DPP6: variants seen among roughly 807,000 people sequenced by gnomAD.
DPP6 encodes A-type potassium channel modulatory protein DPP6.
A neutral mutation model predicts 122.6 loss-of-function variants in DPP6; 69 were observed. The observed-to-expected ratio is 0.56, with a 90% CI of 0.46 to 0.69. DPP6 has a LOEUF of 0.69. Among genes scored for constraint, DPP6 ranks in the 30% least tolerant of loss-of-function variants. The pLI is 0.00. For synonymous variants in DPP6, 418 were observed against 433.1 expected (o/e 0.97, Z 0.43); for missense variants, 928 against 1,116.9 (o/e 0.83, Z 2.41).
chr7:154,802,860 A>G (rs890149147), intron 13 of DPP6, among the ~76,000 whole-genome samples: 1 of 150,610 alleles, frequency 6.6e-6, no homozygotes, highest in East Asian at 1.9e-4. Flanking sequence ...AAAAAGATTT[A>G]TAAATGCTTC....
intron 5 of DPP6, among the ~76,000 whole-genome samples, chr7:154,567,471 G>C (rs1272129375): frequency 1.3e-5 from 2 of 152,050 alleles, no homozygotes; most frequent in East Asian, 3.9e-4. Context: ...AACTTCCTAG[G>C]CCAGGATCTT....
chr7:153,861,913 G>A, the DPP6 span, among the ~76,000 whole-genome samples: 2 of 152,318 alleles, frequency 1.3e-5, no homozygotes, highest in East Asian at 1.9e-4. Context: ...TGAGAATGTT[G>A]CAATCCAGGT....
chr7:154,344,850 T>C (rs1324401660), intron 1 of DPP6, among the ~76,000 whole-genome samples: 3 of 152,156 alleles, frequency 2.0e-5, no homozygotes, highest in Non-Finnish European at 4.4e-5. Flanking sequence ...ATCATGTCAC[T>C]GCACTCCAGC....
chr7:154,762,894 G>A (rs370692268), intron 8 of DPP6, among the ~76,000 whole-genome samples: 9 of 152,218 alleles, frequency 5.9e-5, no homozygotes, highest in East Asian at 5.8e-4. Context: ...ACCTGCCTCC[G>A]ATGGTGCAAT....
At chr7:154,865,837 CAGACTCGTTACCATCTAA>C (rs1383223447) in intron 17 of DPP6, among the ~76,000 whole-genome samples, 2 of 152,160 alleles carry the variant, frequency 1.3e-5, no homozygotes, top group Non-Finnish European at 2.9e-5. Flanking sequence ...GGTAGAAACC[CAGACTCGTTACCATCTAA>C]AGATGCTTAA....
chr7:153,949,851 C>T (rs575818275), intron 1 of DPP6, among the ~76,000 whole-genome samples: 5 of 152,274 alleles, frequency 3.3e-5, no homozygotes, highest in African/African-American at 1.2e-4. Flanking sequence ...CTAGTGGGAA[C>T]CAGCTGGTGG....
At chr7:154,173,374 T>G (rs532749154) in intron 1 of DPP6, among the ~76,000 whole-genome samples, 1 of 152,302 alleles carries the variant, frequency 6.6e-6, no homozygotes, top group Admixed American at 6.5e-5. Context: ...GGAAACAGTT[T>G]CGTGTAAGCC....
intron 1 of DPP6, among the ~76,000 whole-genome samples, chr7:153,902,316 G>T (rs1459986654): frequency 6.6e-6 from 1 of 152,144 alleles, no homozygotes; most frequent in African/African-American, 2.4e-5. Context: ...TTTAGAGGGG[G>T]GAAAAGCCTC....
intron 1 of DPP6, among the ~76,000 whole-genome samples, chr7:154,327,106 TG>T (rs1052754954): frequency 6.6e-6 from 1 of 151,974 alleles, no homozygotes; most frequent in African/African-American, 2.4e-5. Flanking sequence ...ACAGGTCATT[TG>T]GGGGGTCTGA....
intron 1 of DPP6, among the ~76,000 whole-genome samples, chr7:154,394,002 T>A (rs145772904): frequency 6.6e-6 from 1 of 152,374 alleles, no homozygotes; most frequent in Non-Finnish European, 1.5e-5. Context: ...GTCTGAATAG[T>A]ATTCCATTGT....
chr7:154,694,564 A>G (rs966375418), intron 7 of DPP6, among the ~76,000 whole-genome samples: 1 of 152,104 alleles, frequency 6.6e-6, no homozygotes, highest in Non-Finnish European at 1.5e-5. Flanking sequence ...GTGAGCTGAG[A>G]TCACGTCACT....
chr7:154,680,631 C>CTG (rs10639801), intron 7 of DPP6, among the ~76,000 whole-genome samples: 24,430 of 151,828 alleles, frequency 0.16, 2,106 homozygotes, highest in East Asian at 0.34. Flanking sequence ...ACTGGCCAGA[C>CTG]TGGGCTTTTT....
At chr7:153,856,400 GT>G in the DPP6 span, among the ~76,000 whole-genome samples, 2 of 152,130 alleles carry the variant, frequency 1.3e-5, no homozygotes, top group African/African-American at 4.8e-5. Context: ...ATTTTTGTCA[GT>G]TTTTCCATGA....
chr7:154,693,203 G>A (rs1351252943), intron 7 of DPP6, among the ~76,000 whole-genome samples: 1 of 152,176 alleles, frequency 6.6e-6, no homozygotes, highest in Admixed American at 6.5e-5. Flanking sequence ...TGTGCTGTGA[G>A]TTGTGTGACA....
intron 1 of DPP6, among the ~76,000 whole-genome samples, chr7:154,337,275 A>G (rs1270295064): frequency 6.6e-6 from 1 of 152,146 alleles, no homozygotes; most frequent in Non-Finnish European, 1.5e-5. Context: ...GCCCCCGGCC[A>G]GGGTGGTACC....
At chr7:154,070,569 C>A (rs1160142365) in intron 1 of DPP6, among the ~76,000 whole-genome samples, 1 of 152,098 alleles carries the variant, frequency 6.6e-6, no homozygotes, top group East Asian at 1.9e-4. Flanking sequence ...ATATTTGCTT[C>A]TCTAAGATTT....
chr7:153,984,053 A>AACACACACACACACACACAC (rs528640069), intron 1 of DPP6, among the ~76,000 whole-genome samples: 1 of 131,924 alleles, frequency 7.6e-6, no homozygotes, highest in Admixed American at 7.6e-5. Context: ...TTCTGTCCAT[A>AACACACACACACACACACAC]ACACACACAC....
At chr7:154,211,837 C>T (rs1407112841) in intron 1 of DPP6, among the ~76,000 whole-genome samples, 1 of 152,214 alleles carries the variant, frequency 6.6e-6, no homozygotes, top group Admixed American at 6.5e-5. Context: ...CTGCCCTCAT[C>T]AGGGTCCACA....
intron 4 of DPP6, among the ~76,000 whole-genome samples, chr7:154,551,697 T>C (rs1281929560): frequency 6.6e-6 from 1 of 152,124 alleles, no homozygotes; most frequent in Non-Finnish European, 1.5e-5. Flanking sequence ...CTCCTTTTGT[T>C]CCAAATTCAT....
Sources: gnomAD v4.1 joint callset for allele counts (sites outside exome capture counted in the v4.1 genomes callset) on GRCh38, gnomAD v4.1.1 for gene constraint, MANE v1.5 for transcripts, NCBI Gene and HGNC (gene_info 2026-07-23, HGNC 2026-07-21) for gene names.